ATP9B: variants seen among roughly 807,000 people sequenced by gnomAD.
ATP9B encodes the protein ATPase phospholipid transporting 9B.
ATP9B carries 110 observed loss-of-function variants against 146.1 expected under a neutral mutation model. That is an observed-to-expected ratio of 0.75 (90% confidence interval 0.65 to 0.88). ATP9B has a LOEUF of 0.88. Among genes scored for constraint, ATP9B ranks in the 40% least tolerant of loss-of-function variants. The pLI, the probability that ATP9B is intolerant of heterozygous loss-of-function variation, is 0.00. For missense variants in ATP9B, 1,499 were observed against 1,496.4 expected (o/e 1.00, Z -0.03); for synonymous variants, 604 against 569.7 (o/e 1.06, Z -0.86).
At chr18:79,211,916 AAG>A in intron 10 of ATP9B, among the ~76,000 whole-genome samples, 1 of 152,196 alleles carries the variant, frequency 6.6e-6, no homozygotes, top group South Asian at 2.1e-4. Context: ...TCTTCTGTTT[AAG>A]TATTTCATTG....
intron 26 of ATP9B, among the ~76,000 whole-genome samples, chr18:79,369,763 T>G (rs1180753957): frequency 6.6e-6 from 1 of 152,164 alleles, no homozygotes; most frequent in Non-Finnish European, 1.5e-5. Flanking sequence ...TACGAATAAC[T>G]GTACACATAT....
intron 13 of ATP9B, among the ~76,000 whole-genome samples, chr18:79,280,681 A>G (rs2096366707): frequency 6.6e-6 from 1 of 152,190 alleles, no homozygotes; most frequent in Non-Finnish European, 1.5e-5. Context: ...ACAACTAGAA[A>G]CACATGTGCT....
At chr18:79,341,396 T>C (rs77291601) in intron 19 of ATP9B, among the ~76,000 whole-genome samples, 10 of 111,480 alleles carry the variant, frequency 9.0e-5, no homozygotes, top group African/African-American at 2.8e-4. Flanking sequence ...GTGACCTCGT[T>C]GAAGCCTGTG....
chr18:79,320,167 AAATAAGTC>A (rs2096707219), intron 15 of ATP9B, among the ~76,000 whole-genome samples: 1 of 152,218 alleles, frequency 6.6e-6, no homozygotes, highest in South Asian at 2.1e-4. Context: ...TTTATTCAAG[AAATAAGTC>A]GTTGTGCTTG....
At chr18:79,150,643 T>C (rs1483786788) in intron 6 of ATP9B, among the ~76,000 whole-genome samples, 1 of 152,106 alleles carries the variant, frequency 6.6e-6, no homozygotes, top group Non-Finnish European at 1.5e-5. Context: ...GAGTACTCCA[T>C]AGAAAATAAG....
intron 19 of ATP9B, among the ~76,000 whole-genome samples, chr18:79,340,838 A>G (rs1301471834): frequency 1.3e-5 from 2 of 152,226 alleles, no homozygotes; most frequent in East Asian, 3.8e-4. Context: ...TACCCATTGA[A>G]CCTCCGTTTC....
intron 13 of ATP9B, among the ~76,000 whole-genome samples, chr18:79,288,904 G>A (rs1466366343): frequency 6.6e-5 from 10 of 152,120 alleles, no homozygotes; most frequent in Non-Finnish European, 1.5e-4. Context: ...GAAATTCTCG[G>A]TTGAAAATTC....
chr18:79,156,177 A>G (rs1179415939), intron 7 of ATP9B, among the ~76,000 whole-genome samples: 1 of 152,132 alleles, frequency 6.6e-6, no homozygotes, highest in African/African-American at 2.4e-5. Context: ...TGTATACTTG[A>G]TACGTTTATT....
At chr18:79,225,145 C>T (rs980854184) in intron 11 of ATP9B, among the ~76,000 whole-genome samples, 14 of 152,174 alleles carry the variant, frequency 9.2e-5, no homozygotes, top group African/African-American at 3.4e-4. Flanking sequence ...AAAACCTTGA[C>T]AAATCTGATT....
At chr18:79,099,358 A>T (rs527425486) in intron 2 of ATP9B, among the ~76,000 whole-genome samples, 14 of 152,178 alleles carry the variant, frequency 9.2e-5, no homozygotes, top group African/African-American at 3.1e-4. Flanking sequence ...AGTAGCTGGG[A>T]CTACAGATGT....
At chr18:79,327,918 C>T (rs527515566) in intron 15 of ATP9B, among the ~76,000 whole-genome samples, 9 of 111,838 alleles carry the variant, frequency 8.0e-5, no homozygotes, top group Admixed American at 2.9e-4. Context: ...CCGTGGGTAG[C>T]GTGCTCTCTC....
In ATP9B at chr18:79,172,229, C is replaced by T. The variant is rs1340822936; in HGVS notation, c.779-4584C>T. On this transcript the variant is annotated intron_variant, in intron 7 of 29. Coordinates refer to ENST00000426216, the MANE Select transcript of ATP9B (RefSeq NM_198531.5). ...GCCCCGCCCTTGCGATCCGCCTTGG[C>T]CTCCCAAGGTGCTGTGATTACAGGC... 2.2e-5 allele frequency among the ~76,000 whole-genome samples: 3 copies of T among 137,076 alleles called. No homozygotes were observed. In the East Asian group the frequency reaches 6.9e-4, roughly 31 times the overall value. The allele number at this position is 137,076 out of a possible 152,430, so 89.9% of individuals were successfully genotyped here.
intron 10 of ATP9B, chr18:79,209,600 A>T: frequency 1.0e-6 from 1 of 963,676 alleles, no homozygotes; most frequent in Non-Finnish European, 1.2e-6. Context: ...CTAATGAGGC[A>T]TCGTAACATG....
Position 79,286,525 on chromosome 18 carries a change from C to T in ATP9B, c.1411+9329C>T, listed in dbSNP as rs1180969101. The stretch of plus-strand genomic sequence containing the variant: ...AGTTTAAGGAGATTTTGGGCTGAGA[C>T]GATGGGGTTTTCTAGATATACAATC... On this transcript the variant is annotated intron_variant, in intron 13 of 29. Coordinates refer to ENST00000426216, the MANE Select transcript of ATP9B (RefSeq NM_198531.5). 4.6e-5 allele frequency among the ~76,000 whole-genome samples: 7 copies of T among 152,124 alleles called. No individual in the cohort carries two copies. In the South Asian group the frequency reaches 6.2e-4, roughly 14 times the overall value.
chr18:79,248,217 A>T (rs2095987955), intron 11 of ATP9B, among the ~76,000 whole-genome samples: 1 of 151,116 alleles, frequency 6.6e-6, no homozygotes, highest in African/African-American at 2.5e-5. Context: ...TCAGAAGGAA[A>T]AAGACTATGT....
chr18:79,340,234 T>A (rs1164025412), intron 19 of ATP9B: 1 of 152,242 alleles, frequency 6.6e-6, no homozygotes, highest in Admixed American at 6.5e-5. Context: ...AAAATTTGGA[T>A]CTTTACATCA....
At chr18:79,327,526 C>A (rs1278279283) in intron 15 of ATP9B, among the ~76,000 whole-genome samples, 3 of 137,214 alleles carry the variant, frequency 2.2e-5, no homozygotes, top group East Asian at 2.1e-4. Context: ...TTAGCGTGCT[C>A]TCCGTGGTTA....
intron 12 of ATP9B, among the ~76,000 whole-genome samples, chr18:79,258,617 T>C (rs968457510): frequency 6.6e-6 from 1 of 152,228 alleles, no homozygotes; most frequent in African/African-American, 2.4e-5. Flanking sequence ...TAGTGTCTGC[T>C]TAGAAAATGA....
chr18:79,329,184 T>C lies in ATP9B; in HGVS notation c.1817T>C (p.Val606Ala). The change falls in exon 16 of 30, where the codon GTC becomes GCC. Residue 606 changes from valine (V) to alanine (A), a missense_variant. Physicochemically the swap from Val to Ala is moderately conservative, Grantham distance 64. Transcript: ENST00000426216. ...QWTESVGLTL[V>A]SRDLTSMQLK... ...ACAGAGAGTGTGGGCCTCACGCTGG[T>C]CAGCAGGGACCTCACCTCCATGCAG... 1.2e-6 allele frequency: 2 copies of C among 1,611,376 alleles called. No homozygotes were observed. The highest frequency in any genetic ancestry group is 1.7e-6 in the Non-Finnish European group (2 of 1,179,504).
Sources: gnomAD v4.1 joint callset for allele counts (sites outside exome capture counted in the v4.1 genomes callset) on GRCh38, gnomAD v4.1.1 for gene constraint, MANE v1.5 for transcripts, NCBI Gene and HGNC (gene_info 2026-07-23, HGNC 2026-07-21) for gene names.